KIAA0232: variants seen among roughly 807,000 people sequenced by gnomAD.
The protein encoded by KIAA0232 is uncharacterized protein KIAA0232.
A neutral mutation model predicts 122.0 loss-of-function variants in KIAA0232; 27 were observed. The ratio of observed to expected loss-of-function variants is 0.22; its 90% confidence interval spans 0.16 to 0.31. KIAA0232 has a LOEUF of 0.31. Ranked by LOEUF, KIAA0232 falls within the 10% of genes least tolerant of loss-of-function variation. The pLI, the probability that KIAA0232 is intolerant of heterozygous loss-of-function variation, is 1.00. For missense variants in KIAA0232, 1,551 were observed against 1,634.2 expected, an observed-to-expected ratio of 0.95 and a Z score of 0.88; for synonymous variants, 613 against 587.6, an observed-to-expected ratio of 1.04 and a Z score of -0.63.
In KIAA0232 at chr4:6,861,257, C is replaced by G. The variant is rs747386263; in HGVS notation, c.875C>G (p.Ser292Cys). 6.2e-7 allele frequency: 1 copy of G among 1,614,118 alleles called. No homozygotes were observed. Among genetic ancestry groups the G allele is most frequent in the Non-Finnish European group, 8.5e-7 (1 of 1,180,032 alleles). The change falls in exon 7 of 10, where the codon TCC (serine) becomes TGC (cysteine). Residue 292 changes from serine (S) to cysteine (C), a missense_variant. Ser to Cys is a moderately radical substitution (Grantham distance 112, BLOSUM62 -1). This residue lies in a region of KIAA0232 where 377 missense variants were observed against 381.7 expected (regional missense o/e 0.99). Coordinates refer to ENST00000307659, the MANE Select transcript of KIAA0232 (RefSeq NM_014743.3). ...CGCCCTCGCTCGTGGTCTTCTGGCT[C>G]CAGTGAAGCAGGCTCAAGTTCCAGT... ...KIRPRSWSSG[S>C]SEAGSSSSGN...
Position 6,863,807 on chromosome 4 carries a change from A to G in KIAA0232, c.3425A>G (p.Asp1142Gly), listed in dbSNP as rs1470546398. The G allele has an allele frequency of 3.7e-6, 6 of 1,614,202 alleles. No individual in the cohort carries two copies. Among genetic ancestry groups the G allele is most frequent in the Non-Finnish European group, 4.2e-6 (5 of 1,180,032 alleles). ...EANIPIPSQV[D>G]IFEDPQADLK... ...AATATTCCCATTCCTTCTCAAGTTG[A>G]TATATTTGAAGATCCGCAGGCAGAT... Residue 1142 changes from aspartate (D) to glycine (G), a missense_variant, in exon 7 of 10, where the codon GAT (aspartate) becomes GGT (glycine). Coordinates refer to ENST00000307659, the MANE Select transcript of KIAA0232 (RefSeq NM_014743.3).
At chr4:6,839,048 C>A (rs1004616439) in intron 3 of KIAA0232, among the ~76,000 whole-genome samples, 4 of 152,152 alleles carry the variant, frequency 2.6e-5, no homozygotes, top group Non-Finnish European at 2.9e-5. Flanking sequence ...ATCTCTTGAA[C>A]CCAGGAGGCA....
chr4:6,857,943 G>T (rs964164630), intron 5 of KIAA0232, among the ~76,000 whole-genome samples: 4 of 152,146 alleles, frequency 2.6e-5, no homozygotes, highest in African/African-American at 9.7e-5. Context: ...CTAAGGGATA[G>T]CCCTTTTTCC....
At chr4:6,818,565 A>G (rs763174919) in intron 2 of KIAA0232, among the ~76,000 whole-genome samples, 3 of 152,128 alleles carry the variant, frequency 2.0e-5, no homozygotes, top group Middle Eastern at 3.2e-3. Context: ...CGATAAAATC[A>G]TGGATAACAC....
chr4:6,872,756 G>A (rs1003092522), intron 8 of KIAA0232, among the ~76,000 whole-genome samples: 1 of 152,252 alleles, frequency 6.6e-6, no homozygotes, highest in African/African-American at 2.4e-5. Flanking sequence ...TGTAGTTAGT[G>A]TGGAGCCAAG....
rs147451695 is a variant in KIAA0232, at chr4:6,793,920, C to T, written c.-353-10603C>T. ...ATATATGGCAGAACAGGAGCCCAGA[C>T]TTCCGTCCTTCCAACTTAAAAGTTC... is the stretch of plus-strand genomic sequence containing the variant. On this transcript the variant is annotated intron_variant, in intron 1 of 9. Transcript: ENST00000307659. Among the ~76,000 whole-genome samples the T allele has an allele frequency of 3.5e-3, 531 of 152,316 alleles. 2 individuals are homozygous for T. Among genetic ancestry groups the T allele is most frequent in the African/African-American group, 0.012 (501 of 41,570 alleles).
intron 8 of KIAA0232, among the ~76,000 whole-genome samples, chr4:6,872,908 C>T (rs914220934): frequency 7.9e-5 from 12 of 152,176 alleles, no homozygotes; most frequent in African/African-American, 2.4e-4. Context: ...AGGAGTGGAG[C>T]GTTTGCTGTT....
At chr4:6,797,372 C>A (rs1717175069) in intron 1 of KIAA0232, among the ~76,000 whole-genome samples, 1 of 152,152 alleles carries the variant, frequency 6.6e-6, no homozygotes, top group Non-Finnish European at 1.5e-5. Context: ...CAAAATGCCT[C>A]CAGGCCTGTT....
chr4:6,879,080 C>T (rs1313641526), intron 9 of KIAA0232, among the ~76,000 whole-genome samples: 1 of 152,148 alleles, frequency 6.6e-6, no homozygotes, highest in African/African-American at 2.4e-5. Flanking sequence ...TCCCACTTCT[C>T]CTCCTCTCCA....
At chr4:6,810,850 T>G (rs1292392924) in intron 2 of KIAA0232, among the ~76,000 whole-genome samples, 1 of 152,096 alleles carries the variant, frequency 6.6e-6, no homozygotes, top group African/African-American at 2.4e-5. Context: ...TCACCAGTCA[T>G]CAGAGAAATG....
At chr4:6,810,450 C>T (rs938017220) in intron 2 of KIAA0232, among the ~76,000 whole-genome samples, 4 of 152,106 alleles carry the variant, frequency 2.6e-5, no homozygotes, top group Non-Finnish European at 4.4e-5. Context: ...AAGACTTAAA[C>T]GTTAAGACCT....
At chr4:6,848,629 G>A (rs1720101806) in intron 4 of KIAA0232, among the ~76,000 whole-genome samples, 1 of 152,166 alleles carries the variant, frequency 6.6e-6, no homozygotes, top group Non-Finnish European at 1.5e-5. Flanking sequence ...ACAGATTTTG[G>A]TATCCTCAGG....
At position 6,881,213 on chromosome 4, in the gene KIAA0232, A is replaced by G. The variant is rs1393768180; in HGVS notation, c.*247A>G. The G allele has an allele frequency of 2.9e-6, 1 of 341,016 alleles. No individual in the cohort carries two copies. The highest frequency in any genetic ancestry group is 5.3e-6 in the Non-Finnish European group (1 of 189,628). 21.1% of individuals were successfully genotyped at this position (341,016 alleles called of 1,614,324 possible). A position where few individuals can be genotyped will look rare whatever the true frequency, so the allele number is the denominator to read the frequency against. ...TAGACTAGATTGTGTTGTCAAATCA[A>G]GAATGGGTGTGCATGTGCTTGTCTT... On this transcript the variant is annotated 3_prime_UTR_variant, in exon 10 of 10. Transcript: ENST00000307659.
chr4:6,826,739 C>T (rs1310881243), intron 3 of KIAA0232, among the ~76,000 whole-genome samples: 1 of 152,132 alleles, frequency 6.6e-6, no homozygotes, highest in African/African-American at 2.4e-5. Context: ...AGGACTTGAA[C>T]TTCTCATTTC....
chr4:6,790,865 T>C (rs190977428), intron 1 of KIAA0232, among the ~76,000 whole-genome samples: 5 of 152,092 alleles, frequency 3.3e-5, no homozygotes, highest in Admixed American at 1.3e-4. Context: ...GATTCTACTT[T>C]TGTTAATCTT....
rs369503495 is a variant in KIAA0232 at position 6,858,518 on chromosome 4, T to A, written c.518+12T>A. Reference sequence around the variant, plus strand: ...GATCAAGTGGAAATGTATGTAAGATTGTATTCGGTAATAAAGTGTGCATTT... The same window carrying A: ...GATCAAGTGGAAATGTATGTAAGATAGTATTCGGTAATAAAGTGTGCATTT... On this transcript the variant is annotated intron_variant, in intron 6 of 9. Transcript: ENST00000307659. 14 of 1,559,806 alleles carry A rather than the reference T, an allele frequency of 9.0e-6. No individual in the cohort carries two copies. Among genetic ancestry groups the A allele is most frequent in the Non-Finnish European group, 1.1e-5 (13 of 1,138,378 alleles).
intron 1 of KIAA0232, among the ~76,000 whole-genome samples, chr4:6,791,936 A>T (rs111874170): frequency 6.6e-6 from 1 of 152,116 alleles, no homozygotes; most frequent in Non-Finnish European, 1.5e-5. Context: ...TGCTGTTCTC[A>T]TGATAGTGAA....
At chr4:6,791,859 G>T (rs1716908335) in intron 1 of KIAA0232, among the ~76,000 whole-genome samples, 1 of 152,170 alleles carries the variant, frequency 6.6e-6, no homozygotes, top group Non-Finnish European at 1.5e-5. Context: ...ATCTCATCTT[G>T]AATTCCCACA....
Position 6,876,710 on chromosome 4 carries a change from G to C in KIAA0232, c.3961G>C (p.Ala1321Pro). The C allele has an allele frequency of 6.2e-7, 1 of 1,613,452 alleles. No individual in the cohort carries two copies. Among genetic ancestry groups the C allele is most frequent in the Non-Finnish European group, 8.5e-7 (1 of 1,179,358 alleles). Reference sequence around the variant, plus strand: ...GAGTGGTTTAGAAGAATATCCAGATGCTAAAGAGACACCCAGTAATGAAGA... The same window carrying C: ...GAGTGGTTTAGAAGAATATCCAGATCCTAAAGAGACACCCAGTAATGAAGA... ...GESGLEEYPD[A>P]KETPSNEERL... The change falls in exon 9 of 10, where the codon GCT (alanine) becomes CCT (proline). Residue 1321 changes from alanine (A) to proline (P), a missense_variant. Physicochemically the swap from Ala to Pro is conservative, Grantham distance 27. Around this residue, in one of 5 missense-constraint regions of KIAA0232, gnomAD observed 1,108 missense variants for 1,154.8 expected, o/e 0.96. Coordinates refer to ENST00000307659, the MANE Select transcript of KIAA0232 (RefSeq NM_014743.3).
Sources: gnomAD v4.1 joint callset for allele counts (sites outside exome capture counted in the v4.1 genomes callset) on GRCh38, gnomAD v4.1.1 for gene constraint, gnomAD v4.1.1 regional missense constraint, MANE v1.5 for transcripts, NCBI Gene and HGNC (gene_info 2026-07-23, HGNC 2026-07-21) for gene names.